The following RORA variants were observed in gnomAD, a reference collection of about 807,000 sequenced individuals.
RORA encodes nuclear receptor ROR-alpha.
In RORA, 7 loss-of-function variants were observed where a neutral mutation model predicts 69.5. That is an observed-to-expected ratio of 0.10 (90% confidence interval 0.06 to 0.19). RORA has a LOEUF of 0.19. RORA is among the 10% of genes least tolerant of loss of function. RORA has a pLI of 1.00. For missense variants in RORA, 457 were observed against 663.0 expected, an observed-to-expected ratio of 0.69 and a Z score of 3.41; for synonymous variants, 261 against 240.8, an observed-to-expected ratio of 1.08 and a Z score of -0.78.
intron 1 of RORA, among the ~76,000 whole-genome samples, chr15:60,680,993 G>A (rs972253462): frequency 3.9e-5 from 6 of 152,032 alleles, no homozygotes; most frequent in Admixed American, 2.0e-4. Context: ...TAGCCATTCT[G>A]AAGACAGAAG....
chr15:61,190,228 G>C (rs1359234033), intron 1 of RORA, among the ~76,000 whole-genome samples: 1 of 152,044 alleles, frequency 6.6e-6, no homozygotes, highest in African/African-American at 2.4e-5. Context: ...AGTGTGCTCA[G>C]AGCTAAAATT....
At chr15:61,086,640 T>C (rs995638004) in intron 1 of RORA, among the ~76,000 whole-genome samples, 1 of 152,012 alleles carries the variant, frequency 6.6e-6, no homozygotes, top group African/African-American at 2.4e-5. Context: ...GATTGCCAAA[T>C]GGAATGGGAG....
At chr15:60,993,179 G>A (rs963614082) in intron 1 of RORA, among the ~76,000 whole-genome samples, 11 of 152,200 alleles carry the variant, frequency 7.2e-5, no homozygotes, top group African/African-American at 2.7e-4. Flanking sequence ...GCAGGTCTCT[G>A]AGAAATGGCT....
At chr15:60,949,466 G>A (rs948873243) in intron 1 of RORA, among the ~76,000 whole-genome samples, 1 of 152,108 alleles carries the variant, frequency 6.6e-6, no homozygotes, top group South Asian at 2.1e-4. Flanking sequence ...CACTACACAC[G>A]TGAAAATGCC....
At chr15:61,023,054 G>T (rs1895618240) in intron 1 of RORA, among the ~76,000 whole-genome samples, 1 of 151,840 alleles carries the variant, frequency 6.6e-6, no homozygotes, top group Non-Finnish European at 1.5e-5. Flanking sequence ...TGGGCGTGGT[G>T]GCGGGCACCT....
intron 1 of RORA, among the ~76,000 whole-genome samples, chr15:60,933,086 G>A (rs1250236105): frequency 6.6e-6 from 1 of 152,128 alleles, no homozygotes; most frequent in Admixed American, 6.5e-5. Flanking sequence ...CCAGGGCTGT[G>A]ACCCTGAGCA....
chr15:60,751,771 G>A (rs1273196993), intron 1 of RORA, among the ~76,000 whole-genome samples: 1 of 152,160 alleles, frequency 6.6e-6, no homozygotes, highest in Non-Finnish European at 1.5e-5. Flanking sequence ...CTGAGGCTCA[G>A]AAACAGTAAA....
chr15:60,649,950 T>C (rs2070115043), intron 2 of RORA, among the ~76,000 whole-genome samples: 1 of 152,144 alleles, frequency 6.6e-6, no homozygotes, highest in South Asian at 2.1e-4. Flanking sequence ...TCTCCATGTA[T>C]AAAAATAAAC....
intron 1 of RORA, among the ~76,000 whole-genome samples, chr15:61,126,246 A>G (rs2079141529): frequency 6.6e-6 from 1 of 152,216 alleles, no homozygotes; most frequent in South Asian, 2.1e-4. Flanking sequence ...CAAAAATTGT[A>G]TGTGTTTATA....
At chr15:60,727,874 C>T (rs1595664642) in intron 1 of RORA, among the ~76,000 whole-genome samples, 1 of 152,136 alleles carries the variant, frequency 6.6e-6, no homozygotes, top group East Asian at 1.9e-4. Context: ...CTGACATTCA[C>T]AGCGCTCTGA....
rs1338764335 is a variant in RORA at position 60,496,163 on chromosome 15, A to C, written c.*1292T>G. On this transcript the variant is annotated 3_prime_UTR_variant, in exon 11 of 11. Coordinates refer to ENST00000335670, the MANE Select transcript of RORA (RefSeq NM_134261.3). The surrounding 1 kb of genome is among the most constrained non-coding windows in gnomAD (Gnocchi z 4.5). Reference sequence around the variant, plus strand: ...TAGCATCTATTGACAACAAATCTAGAATTAGTTCACTCTGAGATAAACTCA... The same window carrying C: ...TAGCATCTATTGACAACAAATCTAGCATTAGTTCACTCTGAGATAAACTCA... The C allele has an allele frequency of 2.0e-5, 3 of 152,200 alleles. No individual in the cohort carries two copies. The highest frequency in any genetic ancestry group is 4.8e-5 in the African/African-American group (2 of 41,458). 9.4% of individuals were successfully genotyped at this position (152,200 alleles called of 1,614,324 possible). A position where few individuals can be genotyped will look rare whatever the true frequency, so the allele number is the denominator to read the frequency against.
At chr15:61,173,784 T>C (rs549076631) in intron 1 of RORA, among the ~76,000 whole-genome samples, 1 of 152,238 alleles carries the variant, frequency 6.6e-6, no homozygotes, top group East Asian at 1.9e-4. Flanking sequence ...GCCTCCCGAG[T>C]AGCTGGGACT....
chr15:61,172,511 A>C (rs1009386796), intron 1 of RORA, among the ~76,000 whole-genome samples: 13 of 152,182 alleles, frequency 8.5e-5, no homozygotes, highest in African/African-American at 3.1e-4. Context: ...ACAGCAGCCC[A>C]CAGATGCTCC....
At chr15:61,032,006 T>C (rs918094002) in intron 1 of RORA, among the ~76,000 whole-genome samples, 7 of 152,182 alleles carry the variant, frequency 4.6e-5, no homozygotes, top group African/African-American at 1.7e-4. Flanking sequence ...CCTGATAGGG[T>C]TTGTCTCAAA....
intron 1 of RORA, among the ~76,000 whole-genome samples, chr15:61,085,497 T>C (rs140698547): frequency 3.3e-5 from 5 of 152,370 alleles, no homozygotes; most frequent in Admixed American, 6.5e-5. Flanking sequence ...AACAGACTCG[T>C]GGGCCCGCCT....
At position 61,171,376 on chromosome 15, in the gene RORA, G is replaced by A. The variant is rs187971902; in HGVS notation, c.166+57677C>T. On this transcript the variant is annotated intron_variant, in intron 1 of 10. Transcript: ENST00000335670. ...GGCATGTGTCACAATGACCTGGAGA[G>A]CCTGCTAAGCCAGACTGTTGGCCCC... is the stretch of plus-strand genomic sequence containing the variant. Among the ~76,000 whole-genome samples the A allele has an allele frequency of 7.6e-4, 116 of 152,296 alleles. 1 individual carries two copies. The highest frequency in any genetic ancestry group is 1.5e-3 in the African/African-American group (63 of 41,560).
chr15:61,217,118 G>A (rs953681250), intron 1 of RORA, among the ~76,000 whole-genome samples: 1 of 152,172 alleles, frequency 6.6e-6, no homozygotes, highest in Non-Finnish European at 1.5e-5. Context: ...CCTAGCTGGT[G>A]TACTGAGAAG....
At chr15:60,579,855 T>C (rs182940087) in intron 2 of RORA, among the ~76,000 whole-genome samples, 43 of 152,356 alleles carry the variant, frequency 2.8e-4, no homozygotes, top group African/African-American at 1.0e-3. Flanking sequence ...TTCTAACTTC[T>C]GTTTACCGAT....
chr15:61,007,996 G>A (rs200886924), intron 1 of RORA, among the ~76,000 whole-genome samples: 1 of 151,362 alleles, frequency 6.6e-6, no homozygotes, highest in East Asian at 1.9e-4. Flanking sequence ...ATGAATGACA[G>A]CAAACATTTA....
Sources: gnomAD v4.1 joint callset for allele counts (sites outside exome capture counted in the v4.1 genomes callset) on GRCh38, gnomAD v4.1.1 for gene constraint, Gnocchi (gnomAD v3.1) non-coding constraint, MANE v1.5 for transcripts, NCBI Gene and HGNC (gene_info 2026-07-23, HGNC 2026-07-21) for gene names.